Variants in ADAMTS18 observed in about 807,000 individuals in gnomAD.
ADAMTS18 encodes the protein A disintegrin and metalloproteinase with thrombospondin motifs 18.
ADAMTS18 carries 157 observed loss-of-function variants against 165.9 expected under a neutral mutation model. That is an observed-to-expected ratio of 0.95 (90% CI 0.83 to 1.08). The LOEUF is 1.08. ADAMTS18 is among the 50% of genes least tolerant of loss of function. The pLI is 0.00. For missense variants in ADAMTS18, 2,040 were observed against 1,534.0 expected (o/e 1.33, Z -5.51); for synonymous variants, 782 against 578.2 (o/e 1.35, Z -5.06).
intron 16 of ADAMTS18, among the ~76,000 whole-genome samples, chr16:77,303,987 G>T (rs949226864): frequency 6.6e-6 from 1 of 152,070 alleles, no homozygotes; most frequent in Non-Finnish European, 1.5e-5. Flanking sequence ...CCGAGATCAC[G>T]CAACTGCCCT....
At chr16:77,350,124 C>T (rs2056534591) in intron 10 of ADAMTS18, among the ~76,000 whole-genome samples, 1 of 152,192 alleles carries the variant, frequency 6.6e-6, no homozygotes, top group African/African-American at 2.4e-5. Flanking sequence ...TTCTAAAGTG[C>T]AGAATAATCA....
intron 10 of ADAMTS18, among the ~76,000 whole-genome samples, chr16:77,344,155 G>GTATATATATATATATATA (rs150411045): frequency 2.1e-5 from 3 of 140,258 alleles, no homozygotes; most frequent in South Asian, 2.3e-4. Context: ...ATGTGTGTGT[G>GTATATATATATATATATA]TATATATATA....
intron 22 of ADAMTS18, among the ~76,000 whole-genome samples, chr16:77,287,087 G>A (rs953068674): frequency 6.6e-6 from 1 of 152,124 alleles, no homozygotes; most frequent in Non-Finnish European, 1.5e-5. Context: ...GTCTTCTCTA[G>A]GGTCTAGTTT....
chr16:77,358,283 A>G (rs1691332205), intron 8 of ADAMTS18, among the ~76,000 whole-genome samples: 1 of 152,200 alleles, frequency 6.6e-6, no homozygotes, highest in Admixed American at 6.5e-5. Context: ...CTCATAGAAG[A>G]TACTGGCACT....
Position 77,291,203 on chromosome 16 carries a change from C to G in ADAMTS18, c.3402+63G>C, listed in dbSNP as rs1391940069. The G allele has an allele frequency of 3.2e-6, 5 of 1,563,276 alleles. No individual in the cohort carries two copies. In the Admixed American group the frequency reaches 5.0e-5, roughly 16 times the overall value. On this transcript the variant is annotated intron_variant, in intron 21 of 22. Coordinates refer to ENST00000282849, the MANE Select transcript of ADAMTS18 (RefSeq NM_199355.4). The stretch of plus-strand genomic sequence containing the variant: ...TTAACAGACTAAGAGCAACTGTTTG[C>G]AGAACGCCTCATTTTTCGACATCTC...
At chr16:77,316,470 G>A (rs1017438454) in intron 16 of ADAMTS18, among the ~76,000 whole-genome samples, 4 of 151,848 alleles carry the variant, frequency 2.6e-5, no homozygotes, top group African/African-American at 9.7e-5. Context: ...TGGCCAGGAT[G>A]GTGTAAACCA....
intron 3 of ADAMTS18, among the ~76,000 whole-genome samples, chr16:77,393,221 T>G (rs1398270197): frequency 6.6e-6 from 1 of 152,146 alleles, no homozygotes; most frequent in Non-Finnish European, 1.5e-5. Flanking sequence ...TAGAACCCAA[T>G]GTGCAGCCCT....
chr16:77,392,846 A>C (rs2057207046), intron 3 of ADAMTS18, among the ~76,000 whole-genome samples: 2 of 152,212 alleles, frequency 1.3e-5, no homozygotes, highest in Non-Finnish European at 2.9e-5. Flanking sequence ...TCTTCAGTTT[A>C]ATCAGGCAAT....
Position 77,374,914 on chromosome 16 carries a change from T to C in ADAMTS18, c.496-7191A>G, listed in dbSNP as rs1173165101. 3.3e-5 allele frequency among the ~76,000 whole-genome samples: 5 copies of C among 152,150 alleles called. No homozygotes were observed. In the East Asian group the frequency reaches 9.6e-4, roughly 29 times the overall value. On this transcript the variant is annotated intron_variant, in intron 3 of 22. Transcript: ENST00000282849. ...AGTGCTAGATATTAAAAAAGAAAAG[T>C]ATTATTTTTCTGCTTTAGTTTGATA...
intron 16 of ADAMTS18, among the ~76,000 whole-genome samples, chr16:77,318,505 T>G (rs56987388): frequency 0.039 from 6,005 of 152,278 alleles, 158 homozygotes; most frequent in African/African-American, 0.059. Context: ...AATACCTACC[T>G]TCCTAAGGTG....
chr16:77,301,922 C>G (rs750517093), intron 16 of ADAMTS18, among the ~76,000 whole-genome samples: 2 of 149,474 alleles, frequency 1.3e-5, no homozygotes, highest in Admixed American at 6.8e-5. Context: ...GAACAAATGC[C>G]CAGTTATCAG....
At chr16:77,405,365 T>G (rs35497830) in intron 3 of ADAMTS18, among the ~76,000 whole-genome samples, 22,025 of 152,188 alleles carry the variant, frequency 0.14, 1,676 homozygotes, top group East Asian at 0.22. Context: ...TGCATCCAAT[T>G]CAGCTCTCAT....
chr16:77,424,441 C>G (rs990541258), intron 3 of ADAMTS18, among the ~76,000 whole-genome samples: 3 of 150,380 alleles, frequency 2.0e-5, no homozygotes, highest in African/African-American at 4.9e-5. Context: ...GCACTCCAGC[C>G]TGGGCAACAA....
chr16:77,385,040 C>G (rs945257284), intron 3 of ADAMTS18, among the ~76,000 whole-genome samples: 1 of 151,848 alleles, frequency 6.6e-6, no homozygotes, highest in Non-Finnish European at 1.5e-5. Flanking sequence ...TCCCAAGTAG[C>G]TGGGATTACA....
intron 3 of ADAMTS18, among the ~76,000 whole-genome samples, chr16:77,408,168 C>T (rs980281025): frequency 6.6e-6 from 1 of 152,046 alleles, no homozygotes; most frequent in African/African-American, 2.4e-5. Context: ...ATATACCAAG[C>T]ATACTCTAGA....
chr16:77,300,071 G>A, intron 17 of ADAMTS18, 192 bp downstream of exon 17: 1 of 613,710 alleles, frequency 1.6e-6, no homozygotes, highest in Non-Finnish European at 2.8e-6. Flanking sequence ...TTTGAGCTTT[G>A]TGAGAGTTGA....
intron 16 of ADAMTS18, among the ~76,000 whole-genome samples, chr16:77,316,634 T>C (rs1304389588): frequency 7.9e-5 from 12 of 152,184 alleles, no homozygotes; most frequent in Non-Finnish European, 8.8e-5. Context: ...TCCTATTTTT[T>C]AGTTCTTATA....
At chr16:77,398,422 C>A (rs997253597) in intron 3 of ADAMTS18, among the ~76,000 whole-genome samples, 1 of 152,092 alleles carries the variant, frequency 6.6e-6, no homozygotes, top group South Asian at 2.1e-4. Context: ...CAATCACACA[C>A]GACAGAGAAA....
chr16:77,324,305 G>C (rs935107163), intron 13 of ADAMTS18, among the ~76,000 whole-genome samples: 1 of 152,188 alleles, frequency 6.6e-6, no homozygotes, highest in Non-Finnish European at 1.5e-5. Context: ...CATCCGCTGG[G>C]ACCTGCTGTG....
Sources: gnomAD v4.1 joint callset for allele counts (sites outside exome capture counted in the v4.1 genomes callset) on GRCh38, gnomAD v4.1.1 for gene constraint, MANE v1.5 for transcripts, NCBI Gene and HGNC (gene_info 2026-07-23, HGNC 2026-07-21) for gene names.